Variants in PCSK5 observed in about 807,000 individuals in gnomAD.
The protein encoded by PCSK5 is prohormone convertase 5.
Under a neutral mutation model 233.2 loss-of-function variants are expected in PCSK5, and 129 were observed. That is an observed-to-expected ratio of 0.55 (90% CI 0.48 to 0.64). The LOEUF (loss-of-function observed/expected upper bound fraction) is 0.64. Ranked by LOEUF, PCSK5 falls within the 30% of genes least tolerant of loss-of-function variation. PCSK5 has a pLI of 0.00. For synonymous variants in PCSK5, 825 were observed against 879.2 expected (o/e 0.94, Z 1.09); for missense variants, 2,076 against 2,430.1 (o/e 0.85, Z 3.06).
intron 10 of PCSK5, among the ~76,000 whole-genome samples, chr9:76,148,092 C>A (rs1411576610): frequency 6.6e-6 from 1 of 151,688 alleles, no homozygotes; most frequent in Non-Finnish European, 1.5e-5. Context: ...TTTATTGTTT[C>A]TACTTCCACC....
At chr9:76,087,122 G>A (rs1434222963) in intron 7 of PCSK5, among the ~76,000 whole-genome samples, 1 of 152,170 alleles carries the variant, frequency 6.6e-6, no homozygotes, top group Non-Finnish European at 1.5e-5. Context: ...GCTGTCAGGA[G>A]CCAAGGGTCA....
chr9:76,103,487 G>A lies in PCSK5; in HGVS notation c.1108-3764G>A, dbSNP rs1380612567. On this transcript the variant is annotated intron_variant, in intron 8 of 37. Coordinates refer to ENST00000674117, the MANE Select transcript of PCSK5 (RefSeq NM_001372043.1). The stretch of plus-strand genomic sequence containing the variant: ...AGTCAATCTGAACTGAGATTCCCTG[G>A]AGAATTACATCAACAGGCTAAAATC... Among the ~76,000 whole-genome samples the A allele has an allele frequency of 2.0e-5, 3 of 152,086 alleles. No individual in the cohort carries two copies. In the South Asian group the frequency reaches 6.2e-4, roughly 32 times the overall value.
chr9:75,890,127 T>G (rs80005125), upstream of PCSK5, among the ~76,000 whole-genome samples: 2,596 of 152,350 alleles, frequency 0.017, 32 homozygotes, highest in South Asian at 0.027. Context: ...GGCAACAGAC[T>G]TGGCTTTCGA....
chr9:76,056,073 A>G (rs955279864), intron 5 of PCSK5, among the ~76,000 whole-genome samples: 3 of 152,224 alleles, frequency 2.0e-5, no homozygotes, highest in Non-Finnish European at 4.4e-5. Flanking sequence ...AAGAAAGAAT[A>G]GACACCCTAG....
At chr9:76,093,956 G>C (rs1003691699) in intron 7 of PCSK5, among the ~76,000 whole-genome samples, 2 of 152,068 alleles carry the variant, frequency 1.3e-5, no homozygotes, top group Admixed American at 1.3e-4. Context: ...GTTTGTGATG[G>C]CTTGGTGATT....
chr9:76,323,154 G>C lies in PCSK5; in HGVS notation c.4205G>C (p.Cys1402Ser). ...CACTGTGTCCCCTGCCATAAAGACT[G>C]TCTGGAGTGCAGTGGCCCCAAAGCC... Reference protein sequence around the residue: ...SRHCVPCHKDCLECSGPKADD... With the variant: ...SRHCVPCHKDSLECSGPKADD... Residue 1402 changes from cysteine (C) to serine (S), a missense_variant, in exon 32 of 38, where the codon TGT becomes TCT. Physicochemically the swap from Cys to Ser is moderately radical, Grantham distance 112. Transcript: ENST00000674117. 1.2e-6 allele frequency: 2 copies of C among 1,612,594 alleles called. No individual in the cohort carries two copies. Among genetic ancestry groups the C allele is most frequent in the Non-Finnish European group, 1.7e-6 (2 of 1,179,654 alleles).
At chr9:76,159,816 CTTTTTTTTTT>C (rs386415165) in intron 12 of PCSK5, among the ~76,000 whole-genome samples, 35 of 97,590 alleles carry the variant, frequency 3.6e-4, no homozygotes, top group Admixed American at 1.1e-3. Flanking sequence ...CTCTTCAGTC[CTTTTTTTTTT>C]TTTTTTTTTT....
intron 10 of PCSK5, among the ~76,000 whole-genome samples, chr9:76,148,759 C>T (rs1823553448): frequency 6.6e-6 from 1 of 152,214 alleles, no homozygotes; most frequent in African/African-American, 2.4e-5. Flanking sequence ...GGTTTATGAT[C>T]TCACATGCCT....
At chr9:76,302,897 A>T (rs557945577) in intron 28 of PCSK5, among the ~76,000 whole-genome samples, 59 of 149,970 alleles carry the variant, frequency 3.9e-4, no homozygotes, top group African/African-American at 1.4e-3. Context: ...CCCTTGCTTT[A>T]TATAGTTTAG....
Position 76,096,110 on chromosome 9 carries a change from A to G in PCSK5, c.1107+8A>G, listed in dbSNP as rs1328728749. On this transcript the variant is annotated splice_region_variant and intron_variant, in intron 8 of 37. Coordinates refer to ENST00000674117, the MANE Select transcript of PCSK5 (RefSeq NM_001372043.1). ...TCCTACGATAAGAAAATCGTACGTG[A>G]CATGTGCATGCCCATCATGATCTGT... 5 of 1,593,726 alleles carry G rather than the reference A, an allele frequency of 3.1e-6. No individual in the cohort carries two copies. In the Admixed American group the frequency reaches 6.7e-5, roughly 21 times the overall value.
chr9:75,921,796 T>A (rs1195362532), intron 1 of PCSK5, among the ~76,000 whole-genome samples: 1 of 152,214 alleles, frequency 6.6e-6, no homozygotes, highest in Non-Finnish European at 1.5e-5. Flanking sequence ...TAATTACTCA[T>A]TTTGGACAAA....
chr9:75,922,310 TTAGAAG>T (rs1413824747), intron 1 of PCSK5, among the ~76,000 whole-genome samples: 1 of 152,182 alleles, frequency 6.6e-6, no homozygotes, highest in Non-Finnish European at 1.5e-5. Flanking sequence ...AGCTACTTTA[TTAGAAG>T]TACATTGCCA....
chr9:76,224,879 C>T (rs897340641), intron 20 of PCSK5, among the ~76,000 whole-genome samples: 3 of 152,200 alleles, frequency 2.0e-5, no homozygotes, highest in Admixed American at 6.5e-5. Context: ...ACTAACCTAA[C>T]GATGCCTCAT....
chr9:76,183,322 A>T, intron 16 of PCSK5, among the ~76,000 whole-genome samples: 1 of 152,274 alleles, frequency 6.6e-6, no homozygotes, highest in African/African-American at 2.4e-5. Flanking sequence ...CTCTCTTTCT[A>T]TGTAATTGCC....
At chr9:76,290,493 A>G (rs1173636624) in intron 24 of PCSK5, among the ~76,000 whole-genome samples, 2 of 152,224 alleles carry the variant, frequency 1.3e-5, no homozygotes. Flanking sequence ...TTCCTGCAGA[A>G]GGGCCCTTCT....
At chr9:76,303,779 T>C (rs2131428504) in intron 28 of PCSK5, among the ~76,000 whole-genome samples, 1 of 152,266 alleles carries the variant, frequency 6.6e-6, no homozygotes, top group South Asian at 2.1e-4. Flanking sequence ...TTTGTGACAA[T>C]CCTGTGGCCA....
chr9:76,204,576 C>G (rs552778095), intron 20 of PCSK5, among the ~76,000 whole-genome samples: 1 of 151,984 alleles, frequency 6.6e-6, no homozygotes, highest in African/African-American at 2.4e-5. Context: ...AGACATGGTT[C>G]CCTAAGGCTA....
intron 7 of PCSK5, among the ~76,000 whole-genome samples, chr9:76,075,074 G>A (rs1021445505): frequency 4.6e-5 from 7 of 152,122 alleles, no homozygotes; most frequent in Admixed American, 3.9e-4. Flanking sequence ...ACAAAAATTA[G>A]CTGGGTGTGG....
intron 24 of PCSK5, among the ~76,000 whole-genome samples, chr9:76,270,829 G>A (rs1004270083): frequency 6.6e-6 from 1 of 152,144 alleles, no homozygotes; most frequent in African/African-American, 2.4e-5. Context: ...TTAAATAAAG[G>A]TAATTCACAG....
Sources: allele counts gnomAD v4.1 joint callset (sites outside exome capture counted in the v4.1 genomes callset), GRCh38; gene constraint gnomAD v4.1.1; transcripts MANE v1.5; gene names NCBI Gene and HGNC (gene_info 2026-07-23, HGNC 2026-07-21).